The following INO80D variants were observed in gnomAD, a reference collection of about 807,000 sequenced individuals.
INO80D encodes the protein INO80 complex subunit D.
In INO80D, 21 loss-of-function variants were observed where a neutral mutation model predicts 87.6. The observed-to-expected ratio is 0.24, with a 90% CI of 0.17 to 0.35. The LOEUF is 0.35. Ranked by LOEUF, INO80D falls within the 10% of genes least tolerant of loss-of-function variation. The probability of loss-of-function intolerance (pLI) is 1.00; values close to 1 mark genes in which losing one functional copy is unlikely to be tolerated. For synonymous variants in INO80D, 440 were observed against 491.0 expected, an observed-to-expected ratio of 0.90 and a Z score of 1.37; for missense variants, 982 against 1,280.7, an observed-to-expected ratio of 0.77 and a Z score of 3.56.
At chr2:206,041,192 G>A (rs1689039268) in intron 5 of INO80D, among the ~76,000 whole-genome samples, 1 of 104,440 alleles carries the variant, frequency 9.6e-6, no homozygotes, top group Non-Finnish European at 2.3e-5. Context: ...ACAAAAGACA[G>A]TAAATTTAAA....
chr2:206,056,690 C>G lies in INO80D; in HGVS notation c.472G>C (p.Asp158His). The change falls in exon 4 of 11, where the codon GAT becomes CAT. Residue 158 changes from aspartate (D) to histidine (H), a missense_variant. Coordinates refer to ENST00000403263, the MANE Select transcript of INO80D (RefSeq NM_017759.5). ...EDPFAFNEED[D>H]DLKKGATVRK... is the part of the protein sequence containing the mutation. ...ACAGTTGCCCCTTTCTTTAGGTCAT[C>G]ATCTTCCTCATTGAAAGCAAATGGG... The G allele has an allele frequency of 1.2e-6, 2 of 1,613,604 alleles. No homozygotes were observed. The highest frequency in any genetic ancestry group is 1.7e-6 in the Non-Finnish European group (2 of 1,179,726).
chr2:206,039,828 A>G (rs77818946), intron 5 of INO80D, among the ~76,000 whole-genome samples: 1 of 145,150 alleles, frequency 6.9e-6, no homozygotes, highest in Non-Finnish European at 1.5e-5. Context: ...AAAAAAAAAA[A>G]GAAAGAAAGA....
rs747077465 is a variant in INO80D, at chr2:206,004,586, T to C, written c.2866A>G (p.Met956Val). ...GCCATTAGTTCAGCAGAAGGCCCCA[T>C]GCCACTGAAGCTGGTCTGTGGTAAC... is the stretch of plus-strand genomic sequence containing the variant. The part of the protein sequence containing the change: ...PGLPQTSFSG[M>V]GPSAELMAST... Residue 956 changes from methionine (M) to valine (V), a missense_variant, in exon 11 of 11, where the codon ATG (methionine) becomes GTG (valine). By Grantham distance (21) the Met-to-Val change is conservative. Coordinates refer to ENST00000403263, the MANE Select transcript of INO80D (RefSeq NM_017759.5). This position sits in a 1 kb window ranked among gnomAD's most constrained non-coding sequence, Gnocchi z 4.9. 1.9e-6 allele frequency: 3 copies of C among 1,611,692 alleles called. No individual in the cohort carries two copies. Among genetic ancestry groups the C allele is most frequent in the African/African-American group, 2.7e-5 (2 of 74,776 alleles).
chr2:206,054,608 G>A (rs1575856243), intron 4 of INO80D, among the ~76,000 whole-genome samples: 1 of 129,602 alleles, frequency 7.7e-6, no homozygotes, highest in Admixed American at 9.9e-5. Flanking sequence ...CCACCTCCCA[G>A]GTTCACGCAA....
At chr2:206,006,203 A>C (rs1399718059) in intron 10 of INO80D, among the ~76,000 whole-genome samples, 1 of 152,210 alleles carries the variant, frequency 6.6e-6, no homozygotes, top group Non-Finnish European at 1.5e-5. Flanking sequence ...TATTGTTAGG[A>C]ACTTGATTAA....
intron 1 of INO80D, among the ~76,000 whole-genome samples, chr2:206,064,990 T>C (rs1182162446): frequency 1.3e-5 from 2 of 151,946 alleles, no homozygotes; most frequent in African/African-American, 2.4e-5. Context: ...GACTAGAAAT[T>C]TAAATTTAGG....
intron 5 of INO80D, among the ~76,000 whole-genome samples, chr2:206,034,591 C>T (rs1473991709): frequency 6.6e-6 from 1 of 152,054 alleles, no homozygotes. Flanking sequence ...AAGGGACATA[C>T]CTCAATATAA....
chr2:206,082,232 C>T (rs2105915247), intron 1 of INO80D, among the ~76,000 whole-genome samples: 1 of 152,216 alleles, frequency 6.6e-6, no homozygotes, highest in South Asian at 2.1e-4. Context: ...GTTGGTCAGG[C>T]TGGTCTCGAA....
chr2:206,044,070 G>C (rs1338721863), intron 5 of INO80D, among the ~76,000 whole-genome samples: 1 of 152,100 alleles, frequency 6.6e-6, no homozygotes, highest in Non-Finnish European at 1.5e-5. Context: ...GTGCACACCT[G>C]TAGTTCCAGC....
chr2:206,049,302 AATGAGTT>A (rs1366039746), intron 4 of INO80D, among the ~76,000 whole-genome samples: 1 of 152,214 alleles, frequency 6.6e-6, no homozygotes, highest in Non-Finnish European at 1.5e-5. Flanking sequence ...CACCTTTAAA[AATGAGTT>A]ACTTTCTCAA....
chr2:206,005,014 C>T lies in INO80D; in HGVS notation c.2438G>A (p.Arg813Gln), dbSNP rs939275059. 7.4e-6 allele frequency: 12 copies of T among 1,613,886 alleles called. No homozygotes were observed. The highest frequency in any genetic ancestry group is 5.5e-5 in the South Asian group (5 of 91,064). ...TGAGTGATCACTGCTGTATTGCTGT[C>T]GTGAGGTGATTAGGTCATCTGCCTT... is the stretch of plus-strand genomic sequence containing the variant. ...LSKADDLITS[R>Q]QQYSSDHSHS... Residue 813 changes from arginine to glutamine, a missense_variant, in exon 11 of 11, where the codon CGA becomes CAA. Arg to Gln is a conservative substitution (Grantham distance 43, BLOSUM62 1). Transcript: ENST00000403263.
At chr2:206,076,068 A>T (rs1261670246) in intron 1 of INO80D, among the ~76,000 whole-genome samples, 1 of 144,214 alleles carries the variant, frequency 6.9e-6, no homozygotes, top group Non-Finnish European at 1.5e-5. Context: ...AAAAAAAAAA[A>T]CCTAGTGTGA....
chr2:206,040,697 A>G (rs7597292), intron 5 of INO80D: 73,649 of 251,024 alleles, frequency 0.29, 11,784 homozygotes, highest in Non-Finnish European at 0.35. Flanking sequence ...CACTCTGTGG[A>G]TATCCTCTTA....
intron 5 of INO80D, among the ~76,000 whole-genome samples, chr2:206,039,956 T>C (rs1688999309): frequency 6.6e-6 from 1 of 151,520 alleles, no homozygotes; most frequent in Non-Finnish European, 1.5e-5. Context: ...AGAAAAAACA[T>C]GAATAAACAT....
rs528268405 is a variant in INO80D at position 206,046,274 on chromosome 2, T to C, written c.1073+230A>G. On this transcript the variant is annotated intron_variant, in intron 5 of 10. Coordinates refer to ENST00000403263, the MANE Select transcript of INO80D (RefSeq NM_017759.5). ...AACTAGGGCCGGGCGTGGTAGCTCA[T>C]GCCTGTAATCCTAGCACTTTGGGAG... Among the ~76,000 whole-genome samples, 14 of 152,110 alleles carry C rather than the reference T, an allele frequency of 9.2e-5. 1 individual carries two copies. Among genetic ancestry groups the C allele is most frequent in the Admixed American group, 2.6e-4 (4 of 15,254 alleles).
intron 3 of INO80D, among the ~76,000 whole-genome samples, chr2:206,059,274 G>A (rs1689620602): frequency 6.6e-6 from 1 of 152,008 alleles, no homozygotes; most frequent in Non-Finnish European, 1.5e-5. Flanking sequence ...CCAGCTACTT[G>A]GGAAGCTGAG....
Position 206,046,557 on chromosome 2 carries a change from C to T in INO80D, c.1020G>A (p.Ser340=), listed in dbSNP as rs371944449. The stretch of plus-strand genomic sequence containing the variant: ...GGATGGACCATGCAACCTGGTAGGG[C>T]GAGGCCTGCTCTGAGTCCTCTGGTT... The part of the protein sequence containing the change: ...GEEPEDSEQA[S]PYQVAWSIRE... Residue 340 remains serine, a synonymous_variant, in exon 5 of 11, where the codon TCG becomes TCA. Coordinates refer to ENST00000403263, the MANE Select transcript of INO80D (RefSeq NM_017759.5). 1.9e-6 allele frequency: 3 copies of T among 1,613,926 alleles called. No individual in the cohort carries two copies. Among genetic ancestry groups the T allele is most frequent in the African/African-American group, 2.7e-5 (2 of 75,044 alleles).
intron 8 of INO80D, among the ~76,000 whole-genome samples, chr2:206,015,253 C>G (rs777053631): frequency 3.9e-5 from 6 of 152,176 alleles, no homozygotes; most frequent in Non-Finnish European, 7.4e-5. Flanking sequence ...TAACAAGGAG[C>G]TGAATGTTAA....
chr2:206,053,603 C>T (rs1034688397), intron 4 of INO80D, among the ~76,000 whole-genome samples: 5 of 152,134 alleles, frequency 3.3e-5, no homozygotes, highest in Non-Finnish European at 7.3e-5. Flanking sequence ...TATACCCTGT[C>T]CAATTCCATC....
Sources: gnomAD v4.1 joint callset for allele counts (sites outside exome capture counted in the v4.1 genomes callset) on GRCh38, gnomAD v4.1.1 for gene constraint, Gnocchi (gnomAD v3.1) non-coding constraint, MANE v1.5 for transcripts, NCBI Gene and HGNC (gene_info 2026-07-23, HGNC 2026-07-21) for gene names.